Variants in CADM2 observed in about 807,000 individuals in gnomAD.
CADM2 encodes immunoglobulin superfamily member 4D.
CADM2 carries 12 observed loss-of-function variants against 49.8 expected under a neutral mutation model. The ratio of observed to expected loss-of-function variants is 0.24; its 90% CI spans 0.15 to 0.39. CADM2 has a LOEUF of 0.39. Among genes scored for constraint, CADM2 ranks in the 10% least tolerant of loss-of-function variants. The pLI is 1.00. For missense variants in CADM2, 378 were observed against 492.3 expected (o/e 0.77, Z 2.20); for synonymous variants, 214 against 175.4 (o/e 1.22, Z -1.74).
At chr3:85,557,345 G>A (rs921362082) in intron 1 of CADM2, among the ~76,000 whole-genome samples, 11 of 151,828 alleles carry the variant, frequency 7.2e-5, no homozygotes, top group African/African-American at 2.7e-4. Flanking sequence ...AGAGAACAAA[G>A]TAAGAATGAA....
chr3:85,432,106 C>G (rs1395268973), intron 1 of CADM2, among the ~76,000 whole-genome samples: 1 of 146,810 alleles, frequency 6.8e-6, no homozygotes, highest in Non-Finnish European at 1.5e-5. Context: ...ATTGAAAAAA[C>G]AAAAGAGATT....
At position 85,152,913 on chromosome 3, in the gene CADM2, G is replaced by A. The variant is rs529736830; in HGVS notation, c.61+193245G>A. ...CAGGAGGTGGAGCTTGCAGTGAGCC[G>A]AGATGGCACCACTGCACTCCAGCCT... On this transcript the variant is annotated intron_variant, in intron 1 of 9. Coordinates refer to ENST00000383699, the MANE Select transcript of CADM2 (RefSeq NM_001167675.2). 1.4e-4 allele frequency among the ~76,000 whole-genome samples: 21 copies of A among 149,182 alleles called. No individual in the cohort carries two copies. In the East Asian group the frequency reaches 3.2e-3, roughly 23 times the overall value.
chr3:86,073,706 A>T lies in CADM2; in HGVS notation c.*6923A>T, dbSNP rs1703402146. ...TACATTTTCTTAACCTTGAAAACAG[A>T]CATTGAAAGATGGAACTTTCTTTTT... On this transcript the variant is annotated 3_prime_UTR_variant, in exon 10 of 10. Transcript: ENST00000383699. 1 of 152,010 alleles carries T rather than the reference A, an allele frequency of 6.6e-6. No homozygotes were observed. The highest frequency in any genetic ancestry group is 2.4e-5 in the African/African-American group (1 of 41,450). The allele number at this position is 152,010 out of a possible 1,614,324, so 9.4% of individuals were successfully genotyped here.
chr3:85,543,263 A>G (rs79804843), intron 1 of CADM2, among the ~76,000 whole-genome samples: 1 of 57,284 alleles, frequency 1.7e-5, no homozygotes, highest in Non-Finnish European at 8.5e-5. Context: ...TTTTATTTTT[A>G]TTTTTTTTGG....
At chr3:86,028,768 C>A (rs571360043) in intron 8 of CADM2, among the ~76,000 whole-genome samples, 2 of 152,054 alleles carry the variant, frequency 1.3e-5, no homozygotes, top group Non-Finnish European at 2.9e-5. Flanking sequence ...GATGAGTGAG[C>A]CAATTACATA....
chr3:85,877,929 T>C (rs751951234), intron 3 of CADM2, among the ~76,000 whole-genome samples: 9 of 152,092 alleles, frequency 5.9e-5, no homozygotes, highest in Non-Finnish European at 1.2e-4. Context: ...CACTGAGTTA[T>C]AGTATATTCC....
intron 6 of CADM2, among the ~76,000 whole-genome samples, chr3:85,923,618 A>AT (rs1719445667): frequency 6.6e-6 from 1 of 151,714 alleles, no homozygotes; most frequent in Non-Finnish European, 1.5e-5. Flanking sequence ...TACTTCTTTT[A>AT]ATTTTTTACA....
intron 1 of CADM2, among the ~76,000 whole-genome samples, chr3:85,667,275 GACA>G (rs1454950477): frequency 2.0e-5 from 3 of 151,932 alleles, no homozygotes; most frequent in Non-Finnish European, 2.9e-5. Context: ...ATTTTTAAAA[GACA>G]ACATTAATTT....
intron 1 of CADM2, among the ~76,000 whole-genome samples, chr3:85,239,264 A>G (rs1234137102): frequency 1.3e-5 from 2 of 151,966 alleles, no homozygotes; most frequent in African/African-American, 2.4e-5. Flanking sequence ...TTATATGCCG[A>G]TGTCTTTTGA....
chr3:85,533,232 C>A (rs1307533573), intron 1 of CADM2, among the ~76,000 whole-genome samples: 1 of 152,146 alleles, frequency 6.6e-6, no homozygotes, highest in East Asian at 1.9e-4. Flanking sequence ...ATCACCTAGG[C>A]AACTTGGTCT....
chr3:85,122,005 C>T (rs1386084005), intron 1 of CADM2, among the ~76,000 whole-genome samples: 1 of 151,950 alleles, frequency 6.6e-6, no homozygotes, highest in Admixed American at 6.6e-5. Context: ...AATCTTTTCA[C>T]TTTTACATTT....
intron 1 of CADM2, among the ~76,000 whole-genome samples, chr3:85,683,713 T>G (rs1041338970): frequency 6.6e-6 from 1 of 152,136 alleles, no homozygotes; most frequent in East Asian, 1.9e-4. Flanking sequence ...AGTAGGAAAA[T>G]AAAGTATTTT....
intron 1 of CADM2, among the ~76,000 whole-genome samples, chr3:85,046,079 T>G (rs946407914): frequency 2.6e-5 from 4 of 152,034 alleles, no homozygotes; most frequent in Non-Finnish European, 5.9e-5. Flanking sequence ...CTGAGAAACT[T>G]GCAAACAATG....
At chr3:85,159,737 A>G (rs1273390276) in intron 1 of CADM2, among the ~76,000 whole-genome samples, 1 of 152,180 alleles carries the variant, frequency 6.6e-6, no homozygotes, top group African/African-American at 2.4e-5. Flanking sequence ...CCCTGGTTCC[A>G]TGACGAATTT....
intron 8 of CADM2, among the ~76,000 whole-genome samples, chr3:85,967,972 G>A (rs1444245537): frequency 2.0e-5 from 3 of 151,542 alleles, no homozygotes; most frequent in South Asian, 2.1e-4. Flanking sequence ...CTGTGTACTC[G>A]TAATGAGCAT....
intron 1 of CADM2, among the ~76,000 whole-genome samples, chr3:85,205,566 G>A (rs899424747): frequency 6.6e-6 from 1 of 151,946 alleles, no homozygotes; most frequent in Non-Finnish European, 1.5e-5. Context: ...ATCAAAATAT[G>A]CCATAATTTT....
intron 2 of CADM2, among the ~76,000 whole-genome samples, chr3:85,765,187 C>G (rs2069596886): frequency 6.6e-6 from 1 of 152,050 alleles, no homozygotes; most frequent in South Asian, 2.1e-4. Context: ...CTCAGCCTTA[C>G]AGCTATTATT....
At position 85,552,366 on chromosome 3, in the gene CADM2, G is replaced by GTTT. The variant is rs36014885; in HGVS notation, c.62-174128_62-174126dup. ...TAAAATAATTAAATCACTTTGAAAA[G>GTTT]TTTTTTTTTTTTTTTTTTTTTTTTT... On this transcript the variant is annotated intron_variant, in intron 1 of 9. Transcript: ENST00000383699. Among the ~76,000 whole-genome samples the GTTT allele has an allele frequency of 1.1e-3, 95 of 87,574 alleles. 4 individuals are homozygous for GTTT. The highest frequency in any genetic ancestry group is 4.0e-3 in the African/African-American group (87 of 21,566). The allele number at this position is 87,574 out of a possible 152,430, so 57.5% of individuals were successfully genotyped here.
At chr3:85,586,409 C>T (rs532819146) in intron 1 of CADM2, among the ~76,000 whole-genome samples, 16 of 152,096 alleles carry the variant, frequency 1.1e-4, no homozygotes, top group African/African-American at 3.6e-4. Flanking sequence ...CAAACTCTAA[C>T]GTACCTATTT....
Sources: gnomAD v4.1 joint callset for allele counts (sites outside exome capture counted in the v4.1 genomes callset) on GRCh38, gnomAD v4.1.1 for gene constraint, MANE v1.5 for transcripts, NCBI Gene and HGNC (gene_info 2026-07-23, HGNC 2026-07-21) for gene names.